EPX: variants seen among roughly 807,000 people sequenced by gnomAD.
EPX encodes eosinophil peroxidase.
A neutral mutation model predicts 73.0 loss-of-function variants in EPX; 60 were observed. The ratio of observed to expected loss-of-function variants is 0.82; its 90% CI spans 0.67 to 1.02. EPX has a LOEUF of 1.02. Among genes scored for constraint, EPX ranks in the 50% least tolerant of loss-of-function variants. EPX has a pLI of 0.00. For synonymous variants in EPX, 347 were observed against 389.2 expected (o/e 0.89, Z 1.28); for missense variants, 950 against 973.9 (o/e 0.98, Z 0.33).
intron 10 of EPX, among the ~76,000 whole-genome samples, chr17:58,200,826 G>A (rs1597968720): frequency 6.6e-6 from 1 of 152,216 alleles, no homozygotes; most frequent in African/African-American, 2.4e-5. Flanking sequence ...TAGAGGCAGG[G>A]AATAGGTGGA....
At chr17:58,193,012 C>CCCTG in intron 1 of EPX, 26 bp from the exon 2 acceptor site, 1 of 1,597,008 alleles carries the variant, frequency 6.3e-7, no homozygotes. Flanking sequence ...GCTTGCTGAA[C>CCCTG]CCTGAGTCCC....
chr17:58,200,323 C>T lies in EPX; in HGVS notation c.1636C>T (p.Arg546Trp), dbSNP rs150579989. Reference sequence around the variant, plus strand: ...GGATGAGCTCCGGGACCGGCTGTTTCGGCAAGTGAGGAGGATTGGGCTGGA... The same window carrying T: ...GGATGAGCTCCGGGACCGGCTGTTTTGGCAAGTGAGGAGGATTGGGCTGGA... ...LVDELRDRLF[R>W]QVRRIGLDLA... is the part of the protein sequence containing the mutation. The change falls in exon 10 of 13, where the codon CGG becomes TGG. Residue 546 changes from arginine (R) to tryptophan (W), a missense_variant. Transcript: ENST00000225371. 2.5e-3 allele frequency: 4,046 copies of T among 1,614,212 alleles called. 5 individuals are homozygous for T. The highest frequency in any genetic ancestry group is 3.2e-3 in the Non-Finnish European group (3,787 of 1,180,044).
At chr17:58,204,118 G>A (rs974269404) in intron 11 of EPX, 104 bp from the exon 12 acceptor site, 11 of 828,464 alleles carry the variant, frequency 1.3e-5, no homozygotes, top group African/African-American at 1.0e-4. Flanking sequence ...AATTTTGTGA[G>A]AATTGAATGG....
intron 6 of EPX, among the ~76,000 whole-genome samples, chr17:58,196,082 T>C (rs1327157477): frequency 1.3e-5 from 2 of 151,746 alleles, no homozygotes; most frequent in Non-Finnish European, 2.9e-5. Context: ...TCTTTCTTTA[T>C]CTTTCCTTCT....
rs374944687 is a variant in EPX, at chr17:58,192,973, A to G, written c.76+51A>G. 3 of 1,598,828 alleles carry G rather than the reference A, an allele frequency of 1.9e-6. No homozygotes were observed. In the African/African-American group the frequency reaches 4.0e-5, roughly 21 times the overall value. ...AGGAGGGAGGGGAAATGGAAGGGGA[A>G]GCACTTGGGTCTTGGAGGGGGTCTT... On this transcript the variant is annotated intron_variant, in intron 1 of 12. Transcript: ENST00000225371.
chr17:58,198,976 T>C (rs988094913), intron 7 of EPX, 64 bp from the exon 8 acceptor site: 14 of 1,573,516 alleles, frequency 8.9e-6, no homozygotes, highest in Middle Eastern at 3.4e-4. Flanking sequence ...GCCCTGGGTC[T>C]ACCCTGGTAG....
At position 58,193,708 on chromosome 17, in the gene EPX, C is replaced by T. The variant is rs769811272; in HGVS notation, c.347-6C>T. ...AGCTCAGGTCTGCCCATTTGCCTTC[C>T]CACAGATGTGCTAACAGAACCACAG... On this transcript the variant is annotated splice_polypyrimidine_tract_variant and splice_region_variant and intron_variant, in intron 3 of 12. Transcript: ENST00000225371. The T allele has an allele frequency of 6.2e-7, 1 of 1,607,620 alleles. No individual in the cohort carries two copies. The highest frequency in any genetic ancestry group is 1.1e-5 in the South Asian group (1 of 90,876).
At chr17:58,196,789 C>T (rs1009985403) in intron 6 of EPX, 150 bp from the exon 7 acceptor site, 14 of 684,766 alleles carry the variant, frequency 2.0e-5, no homozygotes, top group South Asian at 1.6e-4. Flanking sequence ...CTCAGACTGA[C>T]GGGGTGAGCA....
intron 10 of EPX, chr17:58,202,792 T>A (rs1340329542): frequency 2.2e-6 from 1 of 451,900 alleles, no homozygotes; most frequent in Non-Finnish European, 4.1e-6. Flanking sequence ...AGCCCAGTAA[T>A]ATCACTAAGT....
At chr17:58,196,916 C>T (rs1409215030) in intron 6 of EPX, 23 bp from the exon 7 acceptor site, 2 of 1,607,386 alleles carry the variant, frequency 1.2e-6, no homozygotes, top group Admixed American at 1.7e-5. Flanking sequence ...GGCCCCATGT[C>T]ACTGTCTCCT....
chr17:58,201,093 C>G (rs1260532858), intron 10 of EPX, among the ~76,000 whole-genome samples: 2 of 152,190 alleles, frequency 1.3e-5, no homozygotes, highest in Non-Finnish European at 2.9e-5. Flanking sequence ...CTCCTTTCTT[C>G]CCCCTGTTCA....
rs1346466103 is a variant in EPX, at chr17:58,204,920, C to T, written c.*196C>T. On this transcript the variant is annotated 3_prime_UTR_variant, in exon 13 of 13. Coordinates refer to ENST00000225371, the MANE Select transcript of EPX (RefSeq NM_000502.6). Reference sequence around the variant, plus strand: ...GCAATGGACCTTCCCGCCTTGGGAGCCTCTTAGGTATTAGGCTATGAATCA... The same window carrying T: ...GCAATGGACCTTCCCGCCTTGGGAGTCTCTTAGGTATTAGGCTATGAATCA... 1 of 181,598 alleles carries T rather than the reference C, an allele frequency of 5.5e-6. No individual in the cohort carries two copies. Among genetic ancestry groups the T allele is most frequent in the Non-Finnish European group, 1.2e-5 (1 of 84,784 alleles). 11.2% of individuals were successfully genotyped at this position (181,598 alleles called of 1,614,324 possible).
At position 58,194,016 on chromosome 17, in the gene EPX, C is replaced by CCAG; in HGVS notation, c.519_520insAGC (p.Ala173_Glu174insSer). 6.2e-7 allele frequency: 1 copy of CCAG among 1,613,160 alleles called. No homozygotes were observed. The highest frequency in any genetic ancestry group is 2.2e-5 in the East Asian group (1 of 44,880). ...CAGGCTCTGGCTCGCTGGCTGCCCG[C>CCAG]CGAGTATGAGGATGGGCTGTCGCTC... On this transcript the variant is annotated inframe_insertion, in exon 5 of 13. Transcript: ENST00000225371.
intron 10 of EPX, 69 bp from the exon 11 acceptor site, chr17:58,203,012 T>C: frequency 1.7e-6 from 2 of 1,159,708 alleles, no homozygotes; most frequent in Non-Finnish European, 2.6e-6. Flanking sequence ...CCCAGAGGAC[T>C]GGTGGAGAAA....
At chr17:58,196,759 G>A (rs1331419220) in intron 6 of EPX, among the ~76,000 whole-genome samples, 180 bp from the exon 7 acceptor site, 1 of 152,162 alleles carries the variant, frequency 6.6e-6, no homozygotes, top group African/African-American at 2.4e-5. Context: ...GAGACTCTAT[G>A]AAACAAAATG....
In EPX at chr17:58,196,936, C is replaced by T; in HGVS notation, c.802-3C>T. 6.2e-7 allele frequency: 1 copy of T among 1,613,246 alleles called. No homozygotes were observed. Among genetic ancestry groups the T allele is most frequent in the Non-Finnish European group, 8.5e-7 (1 of 1,179,800 alleles). On this transcript the variant is annotated splice_region_variant and splice_polypyrimidine_tract_variant and intron_variant, in intron 6 of 12. Coordinates refer to ENST00000225371, the MANE Select transcript of EPX (RefSeq NM_000502.6). ...CATGTCACTGTCTCCTCTTCCATCTCAGATCCCACCCAATGACCCCCGCAT... is the reference window on the plus strand; with the variant it reads ...CATGTCACTGTCTCCTCTTCCATCTTAGATCCCACCCAATGACCCCCGCAT...
In EPX at chr17:58,204,299, T is replaced by C; in HGVS notation, c.2024T>C (p.Ile675Thr). ...AGCAGAATTTCCTTGTCTCGAATTA[T>C]ATGTGACAATACCGGTATCACCACG... The part of the protein sequence containing the change: ...ALSRISLSRI[I>T]CDNTGITTVS... Residue 675 changes from isoleucine (I) to threonine (T), a missense_variant, in exon 12 of 13, where the codon ATA (isoleucine) becomes ACA (threonine). By Grantham distance (89) the Ile-to-Thr change is moderately conservative. Coordinates refer to ENST00000225371, the MANE Select transcript of EPX (RefSeq NM_000502.6). 1 of 1,613,906 alleles carries C rather than the reference T, an allele frequency of 6.2e-7. No homozygotes were observed. Among genetic ancestry groups the C allele is most frequent in the Non-Finnish European group, 8.5e-7 (1 of 1,179,764 alleles).
chr17:58,202,847 G>C (rs1310523335), intron 10 of EPX: 1 of 564,112 alleles, frequency 1.8e-6, no homozygotes, highest in Non-Finnish European at 3.2e-6. Context: ...AGCTTTTTAG[G>C]TTAGGACACA....
chr17:58,199,496 G>C (rs373864396), intron 8 of EPX, 43 bp from the exon 9 acceptor site: 21 of 1,611,406 alleles, frequency 1.3e-5, no homozygotes, highest in Non-Finnish European at 1.5e-5. Context: ...AAGGGTATGG[G>C]TGAGTAGCCT....
Sources: allele counts gnomAD v4.1 joint callset (sites outside exome capture counted in the v4.1 genomes callset), GRCh38; gene constraint gnomAD v4.1.1; transcripts MANE v1.5; gene names NCBI Gene and HGNC (gene_info 2026-07-23, HGNC 2026-07-21).